Variants in VPS13B observed in about 807,000 individuals in gnomAD.
The protein encoded by VPS13B is intermembrane lipid transfer protein VPS13B.
Under a neutral mutation model 426.4 loss-of-function variants are expected in VPS13B, and 285 were observed. That is an observed-to-expected ratio of 0.67 (90% CI 0.61 to 0.74). The LOEUF is 0.74. VPS13B is among the 30% of genes least tolerant of loss of function. The pLI is 0.00. For missense variants in VPS13B, 4,537 were observed against 4,782.6 expected, an observed-to-expected ratio of 0.95 and a Z score of 1.51; for synonymous variants, 1,676 against 1,676.4, an observed-to-expected ratio of 1.00 and a Z score of 0.01.
intron 23 of VPS13B, among the ~76,000 whole-genome samples, chr8:99,466,154 C>T (rs538985708): frequency 1.2e-4 from 19 of 152,026 alleles, no homozygotes; most frequent in Non-Finnish European, 2.8e-4. Context: ...TGCCTGGGCA[C>T]ATCCATCACC....
intron 20 of VPS13B, among the ~76,000 whole-genome samples, 191 bp from the exon 21 acceptor site, chr8:99,391,366 A>T (rs72672402): frequency 5.8e-5 from 6 of 103,734 alleles, no homozygotes; most frequent in South Asian, 2.6e-4. Context: ...TGTGTGTGTG[A>T]GAGAGAGAGA....
chr8:99,493,802 G>GAAAAGA (rs761102048), intron 25 of VPS13B, among the ~76,000 whole-genome samples: 1 of 129,178 alleles, frequency 7.7e-6, no homozygotes, highest in East Asian at 2.2e-4. Context: ...AAAAAAAAAA[G>GAAAAGA]AAAAGAAAAA....
At chr8:99,378,709 T>A (rs770189142) in intron 19 of VPS13B, among the ~76,000 whole-genome samples, 2 of 152,230 alleles carry the variant, frequency 1.3e-5, no homozygotes, top group Non-Finnish European at 2.9e-5. Flanking sequence ...TTTTATATTC[T>A]GTATTCTAAT....
chr8:99,117,474 A>G (rs1172928567), intron 7 of VPS13B, among the ~76,000 whole-genome samples: 1 of 152,178 alleles, frequency 6.6e-6, no homozygotes, highest in African/African-American at 2.4e-5. Context: ...ACATATGTCC[A>G]TGTAAAAACT....
intron 21 of VPS13B, among the ~76,000 whole-genome samples, chr8:99,421,296 G>A (rs971383365): frequency 2.0e-5 from 3 of 152,192 alleles, no homozygotes; most frequent in Non-Finnish European, 4.4e-5. Context: ...AAAACTAAAA[G>A]TGTAATAGAT....
At chr8:99,277,125 T>C (rs1588201365) in intron 19 of VPS13B, among the ~76,000 whole-genome samples, 1 of 152,100 alleles carries the variant, frequency 6.6e-6, no homozygotes, top group African/African-American at 2.4e-5. Context: ...TATAAAGTTT[T>C]AATTTTTTCT....
intron 39 of VPS13B, among the ~76,000 whole-genome samples, chr8:99,761,784 T>C (rs887434811): frequency 1.3e-5 from 2 of 152,184 alleles, no homozygotes; most frequent in African/African-American, 4.8e-5. Context: ...TTTGTTGTAC[T>C]TGTGTTTATG....
intron 3 of VPS13B, among the ~76,000 whole-genome samples, chr8:99,059,922 G>A (rs1182419541): frequency 2.6e-5 from 4 of 151,654 alleles, no homozygotes; most frequent in African/African-American, 9.7e-5. Context: ...TTTTCGTAGA[G>A]ACGGGGTTTC....
intron 30 of VPS13B, among the ~76,000 whole-genome samples, chr8:99,547,091 A>G (rs1824022155): frequency 6.6e-6 from 1 of 152,100 alleles, no homozygotes; most frequent in East Asian, 1.9e-4. Context: ...TGACCCAAGT[A>G]TCAGAATGTG....
At chr8:99,021,537 C>T (rs1004717003) in intron 2 of VPS13B, among the ~76,000 whole-genome samples, 4 of 152,016 alleles carry the variant, frequency 2.6e-5, no homozygotes, top group Non-Finnish European at 5.9e-5. Context: ...AGGAGAATTG[C>T]TTGAACCCAG....
rs1816707997 is a variant in VPS13B at position 99,859,291 on chromosome 8, T to C, written c.10868-13T>C. 1.9e-6 allele frequency: 3 copies of C among 1,613,148 alleles called. No homozygotes were observed. Among genetic ancestry groups the C allele is most frequent in the South Asian group, 2.2e-5 (2 of 91,032 alleles). ...TGAGGTTTCAATCACCCCTTCCCTC[T>C]TGTGCGTTGCAGGCTGGGTAGTTGG... On this transcript the variant is annotated splice_polypyrimidine_tract_variant and intron_variant, in intron 56 of 61. Transcript: ENST00000357162.
intron 61 of VPS13B, chr8:99,874,999 C>T (rs890035320): frequency 2.0e-5 from 5 of 248,996 alleles, no homozygotes; most frequent in African/African-American, 1.1e-4. Flanking sequence ...GTTTGGGGAG[C>T]TAGGCAAACA....
chr8:99,670,514 C>T (rs1369936436), intron 35 of VPS13B, among the ~76,000 whole-genome samples: 7 of 151,846 alleles, frequency 4.6e-5, no homozygotes, highest in Admixed American at 4.6e-4. Context: ...CCTCTTTTAC[C>T]AAGTTGTAAG....
chr8:99,538,649 T>C (rs976582421), intron 30 of VPS13B, among the ~76,000 whole-genome samples: 1 of 152,210 alleles, frequency 6.6e-6, no homozygotes, highest in Admixed American at 6.5e-5. Context: ...GGATATATCA[T>C]TAATACATTA....
chr8:99,102,543 C>T (rs1163088722), intron 4 of VPS13B, among the ~76,000 whole-genome samples: 2 of 152,078 alleles, frequency 1.3e-5, no homozygotes, highest in African/African-American at 2.4e-5. Context: ...TAAAGAAGAC[C>T]ATCTTCTAAT....
chr8:99,059,212 T>C (rs1191740695), intron 3 of VPS13B, among the ~76,000 whole-genome samples: 1 of 152,118 alleles, frequency 6.6e-6, no homozygotes, highest in Admixed American at 6.5e-5. Context: ...TCTTGGCTCA[T>C]TGCAACTTCT....
At chr8:99,336,345 C>A (rs1277762776) in intron 19 of VPS13B, among the ~76,000 whole-genome samples, 2 of 152,108 alleles carry the variant, frequency 1.3e-5, no homozygotes, top group East Asian at 1.9e-4. Context: ...CTTCCTTACA[C>A]CTTATACAAA....
At chr8:99,431,766 T>C (rs969860093) in intron 22 of VPS13B, 102 bp downstream of exon 22, 7 of 1,191,382 alleles carry the variant, frequency 5.9e-6, no homozygotes, top group African/African-American at 4.6e-5. Context: ...GTAACAATTA[T>C]GTATACCATC....
chr8:99,132,966 A>C (rs550794749), intron 8 of VPS13B, among the ~76,000 whole-genome samples: 4 of 152,314 alleles, frequency 2.6e-5, no homozygotes, highest in African/African-American at 9.6e-5. Context: ...GGATTTTCAG[A>C]ATGGTAAATG....
Sources: allele counts gnomAD v4.1 joint callset (sites outside exome capture counted in the v4.1 genomes callset), GRCh38; gene constraint gnomAD v4.1.1; transcripts MANE v1.5; gene names NCBI Gene and HGNC (gene_info 2026-07-23, HGNC 2026-07-21).